Variants in SGCZ observed in about 807,000 individuals in gnomAD.
SGCZ encodes sarcoglycan zeta, also known as zeta-sarcoglycan.
Under a neutral mutation model 41.3 loss-of-function variants are expected in SGCZ, and 40 were observed. That is an observed-to-expected ratio of 0.97 (90% CI 0.75 to 1.26). SGCZ has a LOEUF of 1.26. SGCZ is among the 50% of genes most tolerant of loss of function. SGCZ has a pLI of 0.00. For synonymous variants in SGCZ, 206 were observed against 137.5 expected, an observed-to-expected ratio of 1.50 and a Z score of -3.49; for missense variants, 552 against 369.8, an observed-to-expected ratio of 1.49 and a Z score of -4.04.
intron 1 of SGCZ, among the ~76,000 whole-genome samples, chr8:14,648,721 C>A (rs1040459891): frequency 1.3e-5 from 2 of 151,910 alleles, no homozygotes; most frequent in Non-Finnish European, 1.5e-5. Context: ...ATATTATAGA[C>A]GGCCGAGTGT....
intron 3 of SGCZ, among the ~76,000 whole-genome samples, chr8:14,243,033 T>C (rs538866970): frequency 1.3e-5 from 2 of 152,342 alleles, no homozygotes; most frequent in South Asian, 2.1e-4. Flanking sequence ...TTTGGTAGCA[T>C]GACCTTGTTT....
intron 1 of SGCZ, among the ~76,000 whole-genome samples, chr8:14,758,514 T>C (rs145695274): frequency 6.6e-6 from 1 of 152,144 alleles, no homozygotes; most frequent in African/African-American, 2.4e-5. Flanking sequence ...AGAAGTTGAA[T>C]CATTCCTGAG....
intron 7 of SGCZ, among the ~76,000 whole-genome samples, chr8:14,100,919 C>A (rs555361211): frequency 6.6e-6 from 1 of 151,316 alleles, no homozygotes; most frequent in Non-Finnish European, 1.5e-5. Flanking sequence ...AATTTAAAAA[C>A]GATAAATAAC....
In SGCZ at chr8:15,237,687, T is replaced by C; in HGVS notation, c.-64A>G. 1 of 1,537,118 alleles carries C rather than the reference T, an allele frequency of 6.5e-7. No individual in the cohort carries two copies. Among genetic ancestry groups the C allele is most frequent in the Non-Finnish European group, 8.8e-7 (1 of 1,133,500 alleles). ...TGGCACCCAAAAACAATCTAGTCTT[T>C]TAGTTTCCAGCTTAAACTCAGCTTT... On this transcript the variant is annotated 5_prime_UTR_variant, in exon 1 of 8. Transcript: ENST00000382080.
At chr8:14,997,796 C>CA (rs756573926) in intron 1 of SGCZ, among the ~76,000 whole-genome samples, 5 of 152,036 alleles carry the variant, frequency 3.3e-5, no homozygotes, top group Non-Finnish European at 7.4e-5. Flanking sequence ...CTAGTCTCTA[C>CA]TAAAAATACA....
chr8:14,844,760 T>C (rs1438824373), intron 1 of SGCZ, among the ~76,000 whole-genome samples: 2 of 152,212 alleles, frequency 1.3e-5, no homozygotes, highest in African/African-American at 4.8e-5. Context: ...TGAGTTTACC[T>C]TTCTCCCTGA....
chr8:14,908,187 AT>A (rs2130771920), intron 1 of SGCZ, among the ~76,000 whole-genome samples: 1 of 152,282 alleles, frequency 6.6e-6, no homozygotes, highest in South Asian at 2.1e-4. Context: ...ATTATATAAT[AT>A]TTTTAGGCAT....
At chr8:15,050,291 A>T (rs62493714) in intron 1 of SGCZ, among the ~76,000 whole-genome samples, 15,515 of 152,196 alleles carry the variant, frequency 0.1, 982 homozygotes, top group African/African-American at 0.16. Flanking sequence ...CTGTGAGATG[A>T]TATCAAAGAT....
intron 1 of SGCZ, among the ~76,000 whole-genome samples, chr8:14,677,597 C>G (rs957307425): frequency 1.3e-5 from 2 of 152,004 alleles, no homozygotes; most frequent in African/African-American, 4.8e-5. Context: ...ACAGTGAAAC[C>G]CAGTCTCTAC....
intron 4 of SGCZ, among the ~76,000 whole-genome samples, chr8:14,217,104 A>T (rs1260974306): frequency 6.6e-6 from 1 of 152,182 alleles, no homozygotes; most frequent in South Asian, 2.1e-4. Context: ...TGCCTAACAC[A>T]GTTAAACCCT....
intron 1 of SGCZ, among the ~76,000 whole-genome samples, chr8:14,849,093 T>C (rs1159034799): frequency 1.3e-5 from 2 of 152,160 alleles, no homozygotes; most frequent in African/African-American, 2.4e-5. Context: ...AACATCATTA[T>C]TTATTAAAAT....
chr8:14,324,098 C>G lies in SGCZ; in HGVS notation c.336+5G>C, dbSNP rs756205882. 6.3e-7 allele frequency: 1 copy of G among 1,599,776 alleles called. No individual in the cohort carries two copies. The highest frequency in any genetic ancestry group is 1.3e-5 in the African/African-American group (1 of 74,706). ...TTAGAGTAAGCCAAAGCCAGTATCA[C>G]ATACCTTTCGAGAATGAATTTCTTT... On this transcript the variant is annotated splice_donor_5th_base_variant and intron_variant, in intron 3 of 7. Transcript: ENST00000382080.
rs575852690 is a variant in SGCZ at position 15,137,461 on chromosome 8, A to G, written c.39+100124T>C. 4.1e-4 allele frequency among the ~76,000 whole-genome samples: 62 copies of G among 152,348 alleles called. 1 individual carries two copies. Among genetic ancestry groups the G allele is most frequent in the African/African-American group, 1.5e-3 (62 of 41,588 alleles). ...TAAATGTCTCCAAGGCATGTCGGGG[A>G]CCTTCCTGGCAGCCCCTCCCATCAC... On this transcript the variant is annotated intron_variant, in intron 1 of 7. Coordinates refer to ENST00000382080, the MANE Select transcript of SGCZ (RefSeq NM_139167.4).
chr8:14,611,871 G>C (rs974604810), intron 1 of SGCZ, among the ~76,000 whole-genome samples: 1 of 152,116 alleles, frequency 6.6e-6, no homozygotes, highest in Non-Finnish European at 1.5e-5. Flanking sequence ...TGATGCAAAA[G>C]CTTGTCACTC....
chr8:14,551,516 TTATATATAATATATATAA>T (rs1803834670), intron 2 of SGCZ, among the ~76,000 whole-genome samples: 1 of 10,188 alleles, frequency 9.8e-5, no homozygotes, highest in African/African-American at 4.3e-4. Flanking sequence ...ATTATATATA[TTATATATAATATATATAA>T]TATATATAAT....
intron 1 of SGCZ, among the ~76,000 whole-genome samples, chr8:14,970,943 A>G (rs1220360545): frequency 1.3e-5 from 2 of 152,186 alleles, no homozygotes; most frequent in Non-Finnish European, 2.9e-5. Flanking sequence ...ACATATCTCT[A>G]TAATATAGGT....
chr8:14,358,978 T>G (rs1420460928), intron 2 of SGCZ, among the ~76,000 whole-genome samples: 1 of 152,168 alleles, frequency 6.6e-6, no homozygotes, highest in African/African-American at 2.4e-5. Flanking sequence ...GGACCTGCTC[T>G]TTTGTTTTTT....
At chr8:14,846,916 A>C (rs1456335710) in intron 1 of SGCZ, among the ~76,000 whole-genome samples, 3 of 151,758 alleles carry the variant, frequency 2.0e-5, no homozygotes, top group Non-Finnish European at 2.9e-5. Context: ...CTAAAATACA[A>C]AAGAAATTAG....
rs75108430 is a variant in SGCZ, at chr8:14,316,988, A to G, written c.336+7115T>C. 9.9e-5 allele frequency among the ~76,000 whole-genome samples: 15 copies of G among 151,984 alleles called. No homozygotes were observed. The East Asian group carries it at 2.9e-3, about 29-fold the overall frequency. On this transcript the variant is annotated intron_variant, in intron 3 of 7. Transcript: ENST00000382080. ...ACATTCCCAATTCTTCTTTGCAGTG[A>G]TTAGTGGCAATTGCTCAGACCAAAA...
Sources: gnomAD v4.1 joint callset for allele counts (sites outside exome capture counted in the v4.1 genomes callset) on GRCh38, gnomAD v4.1.1 for gene constraint, MANE v1.5 for transcripts, NCBI Gene and HGNC (gene_info 2026-07-23, HGNC 2026-07-21) for gene names.